The following TCF7L1 variants were observed in gnomAD, a reference collection of about 807,000 sequenced individuals.
The protein encoded by TCF7L1 is transcription factor 7 like 1, also known as transcription factor 7-like 1.
Under a neutral mutation model 63.7 loss-of-function variants are expected in TCF7L1, and 18 were observed. The observed-to-expected ratio is 0.28, with a 90% CI of 0.20 to 0.42. The LOEUF is 0.42. TCF7L1 is among the 10% of genes least tolerant of loss of function. The probability of loss-of-function intolerance (pLI) is 1.00; values close to 1 mark genes in which losing one functional copy is unlikely to be tolerated. For synonymous variants in TCF7L1, 355 were observed against 340.9 expected (o/e 1.04, Z -0.46); for missense variants, 654 against 779.3 (o/e 0.84, Z 1.91).
At chr2:85,261,661 G>T (rs965682325) in intron 3 of TCF7L1, among the ~76,000 whole-genome samples, 3 of 152,174 alleles carry the variant, frequency 2.0e-5, no homozygotes, top group Non-Finnish European at 4.4e-5. Flanking sequence ...GGAGGCTGAG[G>T]CAGTGGGATT....
intron 3 of TCF7L1, among the ~76,000 whole-genome samples, chr2:85,161,535 C>T (rs1004289622): frequency 1.3e-5 from 2 of 152,190 alleles, no homozygotes; most frequent in African/African-American, 4.8e-5. Context: ...ATGGGGATGG[C>T]TGGCCTCAGA....
At chr2:85,164,808 A>G (rs1419518997) in intron 3 of TCF7L1, among the ~76,000 whole-genome samples, 1 of 152,234 alleles carries the variant, frequency 6.6e-6, no homozygotes, top group Admixed American at 6.5e-5. Flanking sequence ...TTATAGGTAC[A>G]TGAAAGCAAA....
intron 3 of TCF7L1, among the ~76,000 whole-genome samples, chr2:85,234,546 T>G (rs1014384444): frequency 6.6e-6 from 1 of 152,196 alleles, no homozygotes; most frequent in Non-Finnish European, 1.5e-5. Context: ...AAAGATTGAT[T>G]TCACGAATTC....
At chr2:85,172,772 C>T (rs1178675093) in intron 3 of TCF7L1, among the ~76,000 whole-genome samples, 5 of 152,246 alleles carry the variant, frequency 3.3e-5, no homozygotes, top group Non-Finnish European at 5.9e-5. Flanking sequence ...TTGCTCCCCA[C>T]TTCTTCCCTC....
At chr2:85,251,684 A>T (rs1558646571) in intron 3 of TCF7L1, among the ~76,000 whole-genome samples, 1 of 152,180 alleles carries the variant, frequency 6.6e-6, no homozygotes, top group Non-Finnish European at 1.5e-5. Context: ...GTTCCCTGTG[A>T]CTGGCATCTG....
chr2:85,285,339 A>G (rs773094982), intron 4 of TCF7L1, among the ~76,000 whole-genome samples: 3 of 152,216 alleles, frequency 2.0e-5, no homozygotes, highest in Non-Finnish European at 2.9e-5. Context: ...GGGAGCCTGT[A>G]TGATTTCCAG....
At chr2:85,161,952 A>G (rs1678295499) in intron 3 of TCF7L1, among the ~76,000 whole-genome samples, 1 of 152,176 alleles carries the variant, frequency 6.6e-6, no homozygotes, top group Non-Finnish European at 1.5e-5. Flanking sequence ...CTAGCGAGGC[A>G]GGCCCAGCAA....
intron 5 of TCF7L1, 189 bp from the exon 6 acceptor site, chr2:85,303,706 T>G (rs1682037893): frequency 2.1e-6 from 1 of 477,820 alleles, no homozygotes; most frequent in Non-Finnish European, 3.7e-6. Context: ...TAGTCCTGCC[T>G]CCCCTGAATA....
At chr2:85,289,168 G>C (rs368137836) in intron 4 of TCF7L1, among the ~76,000 whole-genome samples, 19 of 151,914 alleles carry the variant, frequency 1.3e-4, no homozygotes, top group African/African-American at 4.1e-4. Flanking sequence ...CACAGAAAAA[G>C]ATCTATAATC....
chr2:85,195,846 C>T (rs889026614), intron 3 of TCF7L1, among the ~76,000 whole-genome samples: 2 of 151,990 alleles, frequency 1.3e-5, no homozygotes, highest in Admixed American at 1.3e-4. Flanking sequence ...CATACCTGGC[C>T]CTATTTTCTT....
At chr2:85,161,106 G>A (rs1196566418) in intron 3 of TCF7L1, among the ~76,000 whole-genome samples, 1 of 152,090 alleles carries the variant, frequency 6.6e-6, no homozygotes, top group Non-Finnish European at 1.5e-5. Flanking sequence ...CAGAAAAATC[G>A]CTTCCCCTGC....
At chr2:85,303,699 T>A in intron 5 of TCF7L1, 196 bp from the exon 6 acceptor site, 3 of 473,580 alleles carry the variant, frequency 6.3e-6, no homozygotes, top group Non-Finnish European at 1.1e-5. Context: ...GGTGCATTAG[T>A]CCTGCCTCCC....
chr2:85,180,018 C>G (rs917282152), intron 3 of TCF7L1, among the ~76,000 whole-genome samples: 1 of 151,954 alleles, frequency 6.6e-6, no homozygotes, highest in Non-Finnish European at 1.5e-5. Flanking sequence ...GTGTCTTGCC[C>G]TCCTGTGTAG....
intron 3 of TCF7L1, chr2:85,232,976 C>A (rs189577371): frequency 1.3e-5 from 2 of 152,192 alleles, no homozygotes; most frequent in African/African-American, 4.8e-5. Context: ...CCTCTGTCAC[C>A]CAGGCTAGAG....
intron 3 of TCF7L1, among the ~76,000 whole-genome samples, chr2:85,275,867 C>A (rs10205412): frequency 7.3e-6 from 1 of 136,602 alleles, no homozygotes; most frequent in African/African-American, 2.7e-5. Context: ...TTGCAGTGAT[C>A]TATGATTGCG....
intron 3 of TCF7L1, among the ~76,000 whole-genome samples, chr2:85,244,138 G>A (rs1321866995): frequency 6.6e-6 from 1 of 152,194 alleles, no homozygotes; most frequent in Non-Finnish European, 1.5e-5. Context: ...GGTTCCAGGA[G>A]CGGGCAGAAC....
At chr2:85,214,191 A>AG (rs761200316) in intron 3 of TCF7L1, among the ~76,000 whole-genome samples, 105 of 152,290 alleles carry the variant, frequency 6.9e-4, no homozygotes, top group Non-Finnish European at 1.0e-3. Context: ...GAGGAGTGAA[A>AG]GATGGTGGCT....
chr2:85,182,280 G>A (rs906726168), intron 3 of TCF7L1, among the ~76,000 whole-genome samples: 1 of 152,208 alleles, frequency 6.6e-6, no homozygotes. Context: ...GGACCTGCAG[G>A]CAGAGTCCCT....
chr2:85,228,756 C>A (rs888936974), intron 3 of TCF7L1, among the ~76,000 whole-genome samples: 4 of 152,110 alleles, frequency 2.6e-5, no homozygotes, highest in Middle Eastern at 3.4e-3. Flanking sequence ...TGGCTCACGC[C>A]TGTAATCCCA....
Sources: gnomAD v4.1 joint callset for allele counts (sites outside exome capture counted in the v4.1 genomes callset) on GRCh38, gnomAD v4.1.1 for gene constraint, MANE v1.5 for transcripts, NCBI Gene and HGNC (gene_info 2026-07-23, HGNC 2026-07-21) for gene names.